NDRG4: variants seen among roughly 807,000 people sequenced by gnomAD.
The protein encoded by NDRG4 is protein NDRG4.
NDRG4 carries 38 observed loss-of-function variants against 55.8 expected under a neutral mutation model. The ratio of observed to expected loss-of-function variants is 0.68; its 90% CI spans 0.53 to 0.89. The LOEUF (loss-of-function observed/expected upper bound fraction) is 0.89, where lower values mean the gene tolerates loss of function less well. NDRG4 is among the 40% of genes least tolerant of loss of function. The pLI is 0.00. For synonymous variants in NDRG4, 190 were observed against 182.7 expected (o/e 1.04, Z -0.32); for missense variants, 455 against 468.6 (o/e 0.97, Z 0.27).
intron 7 of NDRG4, 34 bp from the exon 8 acceptor site, chr16:58,506,878 C>A (rs533271168): frequency 1.3e-6 from 2 of 1,586,444 alleles, no homozygotes; most frequent in East Asian, 4.5e-5. Flanking sequence ...CTGTCTGCCC[C>A]TCTGCATGCC....
intron 2 of NDRG4, among the ~76,000 whole-genome samples, chr16:58,489,324 A>T (rs947421432): frequency 1.3e-5 from 2 of 152,026 alleles, no homozygotes; most frequent in Non-Finnish European, 2.9e-5. Flanking sequence ...TTCTCTGCTT[A>T]ACGAGCCATC....
chr16:58,499,853 G>A (rs182701148), upstream of NDRG4: 73 of 357,098 alleles, frequency 2.0e-4, no homozygotes, highest in South Asian at 1.3e-3. Flanking sequence ...TTTTGTATTC[G>A]GAGGATCCCG....
chr16:58,477,305 C>G (rs1183856361), intron 1 of NDRG4, among the ~76,000 whole-genome samples: 1 of 152,058 alleles, frequency 6.6e-6, no homozygotes, highest in Non-Finnish European at 1.5e-5. Flanking sequence ...ACGTCATTCT[C>G]CAATAAAGGG....
At position 58,495,135 on chromosome 16, in the gene NDRG4, G is replaced by A. The variant is rs112480760; in HGVS notation, c.117+127G>A. ...CCCCTGCCTAACAGAGAGATGCTGGGGTGGGAGATGAACTGGCCCTGCTTC... is the reference window on the plus strand; with the variant it reads ...CCCCTGCCTAACAGAGAGATGCTGGAGTGGGAGATGAACTGGCCCTGCTTC... On this transcript the variant is annotated intron_variant, in intron 3 of 15. Transcript: ENST00000258187. 1.8e-3 allele frequency: 1,682 copies of A among 913,930 alleles called. 25 individuals carry two copies. In the African/African-American group the frequency reaches 0.023, roughly 13 times the overall value. The allele number at this position is 913,930 out of a possible 1,614,324, so 56.6% of individuals were successfully genotyped here. A position where few individuals can be genotyped will look rare whatever the true frequency, so the allele number is the denominator to read the frequency against.
At chr16:58,492,551 T>TGTGTGTGTGA (rs1342930103) in intron 2 of NDRG4, among the ~76,000 whole-genome samples, 3 of 43,996 alleles carry the variant, frequency 6.8e-5, no homozygotes, top group South Asian at 1.1e-3. Flanking sequence ...TGTGTGTGTG[T>TGTGTGTGTGA]GAGAGACAGA....
At chr16:58,486,779 G>A (rs991114371) in intron 1 of NDRG4, among the ~76,000 whole-genome samples, 5 of 151,168 alleles carry the variant, frequency 3.3e-5, no homozygotes, top group Admixed American at 2.0e-4. Flanking sequence ...TTCTTCCTCT[G>A]AGGTTCAGAA....
intron 2 of NDRG4, chr16:58,487,990 A>G (rs1466644805): frequency 1.7e-6 from 1 of 589,152 alleles, no homozygotes; most frequent in East Asian, 3.4e-5. Flanking sequence ...CTGTGGGGGG[A>G]GTTCCGGCAG....
rs745673886 is a variant in NDRG4, at chr16:58,464,400, C to T, written c.-24+603C>T. The T allele has an allele frequency of 1.5e-5, 21 of 1,369,186 alleles. No homozygotes were observed. In the South Asian group the frequency reaches 3.5e-4, roughly 23 times the overall value. The allele number at this position is 1,369,186 out of a possible 1,614,324, so 84.8% of individuals were successfully genotyped here. A position where few individuals can be genotyped will look rare whatever the true frequency, so the allele number is the denominator to read the frequency against. On this transcript the variant is annotated intron_variant, in intron 1 of 15. Transcript: ENST00000258187. The surrounding 1 kb of genome is among the most constrained non-coding windows in gnomAD (Gnocchi z 4.8). ...GCCGAGCGCGCTGCCCCGACGCCGC[C>T]ACCCAGAGCCGGGCCGCGCCGGGCG...
intron 2 of NDRG4, among the ~76,000 whole-genome samples, chr16:58,492,643 G>A (rs2035945252): frequency 6.6e-6 from 1 of 152,038 alleles, no homozygotes; most frequent in South Asian, 2.1e-4. Flanking sequence ...CTGGGCTCAA[G>A]TGATCCTCTT....
intron 8 of NDRG4, 184 bp downstream of exon 8, chr16:58,507,199 G>C (rs1159687954): frequency 1.7e-5 from 10 of 596,440 alleles, no homozygotes; most frequent in South Asian, 1.4e-4. Flanking sequence ...AGGGGAACAG[G>C]GTTTCAGACT....
rs2151777611 is a variant in NDRG4, at chr16:58,501,288, C to T, written c.21+1019C>T. 3 of 392,044 alleles carry T rather than the reference C, an allele frequency of 7.7e-6. No individual in the cohort carries two copies. The East Asian group carries it at 1.1e-4, about 14-fold the overall frequency. 24.3% of individuals were successfully genotyped at this position (392,044 alleles called of 1,614,324 possible). On this transcript the variant is annotated intron_variant, in intron 1 of 14. Coordinates refer to ENST00000570248, the MANE Select transcript of NDRG4 (RefSeq NM_001242835.2). ...GGCCGAACCACAGCACCACCAGCAC[C>T]AACTCCCACACCGGCGCAAAGCCCG... is the stretch of plus-strand genomic sequence containing the variant.
chr16:58,464,218 G>A lies in NDRG4; in HGVS notation c.-24+421G>A. The A allele has an allele frequency of 2.5e-6, 1 of 402,464 alleles. No homozygotes were observed. The highest frequency in any genetic ancestry group is 3.7e-5 in the East Asian group (1 of 27,192). 24.9% of individuals were successfully genotyped at this position (402,464 alleles called of 1,614,324 possible). A position where few individuals can be genotyped will look rare whatever the true frequency, so the allele number is the denominator to read the frequency against. Reference sequence around the variant, plus strand: ...GGCGGGTGCCTTTTTGGGGGTGCGCGGCCATGCAATTGGTGGATTTTTTTA... The same window carrying A: ...GGCGGGTGCCTTTTTGGGGGTGCGCAGCCATGCAATTGGTGGATTTTTTTA... On this transcript the variant is annotated intron_variant, in intron 1 of 15. Coordinates refer to the NDRG4 transcript ENST00000258187. This position sits in a 1 kb window ranked among gnomAD's most constrained non-coding sequence, Gnocchi z 4.8.
In NDRG4 at chr16:58,508,007, A is replaced by T; in HGVS notation, c.729+8A>T. 1 of 1,487,904 alleles carries T rather than the reference A, an allele frequency of 6.7e-7. No individual in the cohort carries two copies. The highest frequency in any genetic ancestry group is 9.1e-7 in the Non-Finnish European group (1 of 1,096,520). 92.2% of individuals were successfully genotyped at this position (1,487,904 alleles called of 1,614,324 possible). On this transcript the variant is annotated splice_region_variant and intron_variant, in intron 10 of 14. Transcript: ENST00000570248. ...CCCGCTGAGGACGGGGTGGTAAGTGAGGGGCTGTGGGCTCACTGGGGGTGG... is the reference window on the plus strand; with the variant it reads ...CCCGCTGAGGACGGGGTGGTAAGTGTGGGGCTGTGGGCTCACTGGGGGTGG...
chr16:58,482,226 C>T (rs916096018), intron 1 of NDRG4, among the ~76,000 whole-genome samples: 1 of 152,150 alleles, frequency 6.6e-6, no homozygotes, highest in African/African-American at 2.4e-5. Context: ...CCTTATAACT[C>T]AGGAGTGTGG....
chr16:58,464,146 C>T lies in NDRG4; in HGVS notation c.-24+349C>T. 1 of 356,506 alleles carries T rather than the reference C, an allele frequency of 2.8e-6. No individual in the cohort carries two copies. The highest frequency in any genetic ancestry group is 7.1e-4 in the Middle Eastern group (1 of 1,400). 22.1% of individuals were successfully genotyped at this position (356,506 alleles called of 1,614,324 possible). ...ACCTCCCACGGTGTCACCGCACCCA[C>T]CCCGCGCCCTTCCTCCGCCTCCTGG... On this transcript the variant is annotated intron_variant, in intron 1 of 15. Transcript: ENST00000258187. This position sits in a 1 kb window ranked among gnomAD's most constrained non-coding sequence, Gnocchi z 4.8.
At chr16:58,510,580 A>T in intron 13 of NDRG4, 65 bp from the exon 14 acceptor site, 1 of 1,385,466 alleles carries the variant, frequency 7.2e-7, no homozygotes, top group Non-Finnish European at 9.9e-7. Flanking sequence ...TCAGCGGACC[A>T]CGCTCTTCAC....
At chr16:58,501,114 A>T in intron 1 of NDRG4, 1 of 1,203,722 alleles carries the variant, frequency 8.3e-7, no homozygotes, top group Non-Finnish European at 1.0e-6. Flanking sequence ...AGGGAGAGGC[A>T]GGGGCAGACT....
rs1326558853 is a variant in NDRG4 at position 58,510,555 on chromosome 16, C to G, written c.866-90C>G. The stretch of plus-strand genomic sequence containing the variant: ...CCTTTGTCCCATCTCTCTGGCTCAT[C>G]TCAATGCCCTTGACTCAGCGGACCA... On this transcript the variant is annotated intron_variant, in intron 13 of 14. Coordinates refer to ENST00000570248, the MANE Select transcript of NDRG4 (RefSeq NM_001242835.2). 4.4e-6 allele frequency: 5 copies of G among 1,137,572 alleles called. No homozygotes were observed. In the African/African-American group the frequency reaches 7.6e-5, roughly 17 times the overall value. 70.5% of individuals were successfully genotyped at this position (1,137,572 alleles called of 1,614,324 possible).
chr16:58,477,317 A>G (rs545108784), intron 1 of NDRG4, among the ~76,000 whole-genome samples: 1 of 152,278 alleles, frequency 6.6e-6, no homozygotes, highest in South Asian at 2.1e-4. Flanking sequence ...AATAAAGGGA[A>G]CTAGGTCTCC....
Sources: gnomAD v4.1 joint callset for allele counts (sites outside exome capture counted in the v4.1 genomes callset) on GRCh38, gnomAD v4.1.1 for gene constraint, Gnocchi (gnomAD v3.1) non-coding constraint, MANE v1.5 for transcripts, NCBI Gene and HGNC (gene_info 2026-07-23, HGNC 2026-07-21) for gene names.